The following ZC3H12D variants were observed in gnomAD, a reference collection of about 807,000 sequenced individuals.
The protein encoded by ZC3H12D is probable ribonuclease ZC3H12D.
Under a neutral mutation model 24.2 loss-of-function variants are expected in ZC3H12D, and 11 were observed. That is an observed-to-expected ratio of 0.46 (90% confidence interval 0.29 to 0.75). The LOEUF (loss-of-function observed/expected upper bound fraction) is 0.75. Ranked by LOEUF, ZC3H12D falls within the 30% of genes least tolerant of loss-of-function variation. ZC3H12D has a pLI of 0.11. For missense variants in ZC3H12D, 740 were observed against 767.7 expected (o/e 0.96, Z 0.43); for synonymous variants, 333 against 341.8 (o/e 0.97, Z 0.28).
chr6:149,468,706 A>G (rs1583189708), intron 2 of ZC3H12D, among the ~76,000 whole-genome samples: 1 of 152,272 alleles, frequency 6.6e-6, no homozygotes, highest in East Asian at 1.9e-4. Flanking sequence ...TTCGCCTTAC[A>G]AGAAATGGGT....
At chr6:149,469,818 C>A (rs532280130) in intron 2 of ZC3H12D, among the ~76,000 whole-genome samples, 2 of 152,276 alleles carry the variant, frequency 1.3e-5, no homozygotes, top group South Asian at 4.1e-4. Flanking sequence ...GGGAGTGGGG[C>A]CTCACACCTG....
rs767238366 is a variant in ZC3H12D, at chr6:149,456,916, C to T, written c.446-16G>A. On this transcript the variant is annotated splice_polypyrimidine_tract_variant and intron_variant, in intron 3 of 5. Coordinates refer to ENST00000409806, the MANE Select transcript of ZC3H12D (RefSeq NM_207360.3). The surrounding 1 kb of genome is among the most constrained non-coding windows in gnomAD (Gnocchi z 4.3). Reference sequence around the variant, plus strand: ...ACGTGCTGCTCTGAGGGCGGGGCGACGGAGACGCGGGTGAGGGCCCAAGGG... The same window carrying T: ...ACGTGCTGCTCTGAGGGCGGGGCGATGGAGACGCGGGTGAGGGCCCAAGGG... The T allele has an allele frequency of 1.9e-6, 3 of 1,588,702 alleles. No individual in the cohort carries two copies. The highest frequency in any genetic ancestry group is 2.6e-6 in the Non-Finnish European group (3 of 1,171,266).
chr6:149,452,295 A>G lies in ZC3H12D; in HGVS notation c.787+321T>C. ...GGGTAGGGTGAGGACAGAAGCTGCC[A>G]GGGGCCAGGTGAAGGGACTGAGACC... On this transcript the variant is annotated intron_variant, in intron 5 of 5. Transcript: ENST00000409806. This position sits in a 1 kb window ranked among gnomAD's most constrained non-coding sequence, Gnocchi z 4.0. 3.5e-6 allele frequency: 1 copy of G among 284,944 alleles called. No individual in the cohort carries two copies. Among genetic ancestry groups the G allele is most frequent in the Non-Finnish European group, 6.5e-6 (1 of 153,296 alleles). The allele number at this position is 284,944 out of a possible 1,614,324, so 17.7% of individuals were successfully genotyped here.
intron 2 of ZC3H12D, among the ~76,000 whole-genome samples, chr6:149,470,024 T>C (rs1320680787): frequency 6.6e-6 from 1 of 152,178 alleles, no homozygotes; most frequent in Non-Finnish European, 1.5e-5. Flanking sequence ...GGCAAGTTAC[T>C]TACTCTCTCT....
chr6:149,472,438 C>A (rs762154357), intron 2 of ZC3H12D, among the ~76,000 whole-genome samples: 2 of 151,672 alleles, frequency 1.3e-5, no homozygotes, highest in African/African-American at 2.4e-5. Context: ...TGTGTGAGAA[C>A]ATTTATGCTC....
At position 149,456,627 on chromosome 6, in the gene ZC3H12D, C is replaced by CCCCCCCCCCCCCGGGG; in HGVS notation, c.680+38_680+39insCCCCGGGGGGGGGGGG. On this transcript the variant is annotated intron_variant, in intron 4 of 5. Transcript: ENST00000409806. This position sits in a 1 kb window ranked among gnomAD's most constrained non-coding sequence, Gnocchi z 4.3. ...CTGCCTCGACCCCGGCCCCCCGCCC[C>CCCCCCCCCCCCCGGGG]GCCGCCCCCCAGGGTGTCAGGACCC... is the stretch of plus-strand genomic sequence containing the variant. The CCCCCCCCCCCCCGGGG allele has an allele frequency of 2.4e-5, 33 of 1,403,028 alleles. No homozygotes were observed. Among genetic ancestry groups the CCCCCCCCCCCCCGGGG allele is most frequent in the Non-Finnish European group, 2.6e-5 (26 of 997,648 alleles). The allele number at this position is 1,403,028 out of a possible 1,614,324, so 86.9% of individuals were successfully genotyped here.
chr6:149,469,453 A>G (rs1024812492), intron 2 of ZC3H12D, among the ~76,000 whole-genome samples: 4 of 151,870 alleles, frequency 2.6e-5, no homozygotes, highest in Admixed American at 6.6e-5. Context: ...GCGAGACTCC[A>G]TCTCAAAAAA....
In ZC3H12D at chr6:149,447,817, G is replaced by C. The variant is rs1393496468; in HGVS notation, c.*2866C>G. The stretch of plus-strand genomic sequence containing the variant: ...TTTTTTTGTACTTGTCTTATTCACA[G>C]TGAATCAAATAAAACAGCTTTACAG... On this transcript the variant is annotated 3_prime_UTR_variant, in exon 6 of 6. Transcript: ENST00000409806. 1 of 151,924 alleles carries C rather than the reference G, an allele frequency of 6.6e-6. No individual in the cohort carries two copies. The highest frequency in any genetic ancestry group is 2.4e-5 in the African/African-American group (1 of 41,322). 9.4% of individuals were successfully genotyped at this position (151,924 alleles called of 1,614,324 possible).
At chr6:149,459,200 T>C (rs574405227) in intron 3 of ZC3H12D, among the ~76,000 whole-genome samples, 1 of 152,350 alleles carries the variant, frequency 6.6e-6, no homozygotes, top group East Asian at 1.9e-4. Flanking sequence ...CCCAAAGTAA[T>C]TTCTCTACTT....
rs1583180959 is a variant in ZC3H12D, at chr6:149,447,225, C to T, written c.*3458G>A. On this transcript the variant is annotated 3_prime_UTR_variant, in exon 6 of 6. Transcript: ENST00000409806. Reference sequence around the variant, plus strand: ...CTGCGGCTGCTGAGACTGGCCACAACCTCAGTCTTCTTCACGCCTACTTTT... The same window carrying T: ...CTGCGGCTGCTGAGACTGGCCACAATCTCAGTCTTCTTCACGCCTACTTTT... 2 of 152,378 alleles carry T rather than the reference C, an allele frequency of 1.3e-5. No individual in the cohort carries two copies. The highest frequency in any genetic ancestry group is 3.9e-4 in the East Asian group (2 of 5,186). 9.4% of individuals were successfully genotyped at this position (152,378 alleles called of 1,614,324 possible).
chr6:149,474,395 A>G lies in ZC3H12D; in HGVS notation c.149T>C (p.Leu50Pro), dbSNP rs370533592. The G allele has an allele frequency of 6.8e-5, 110 of 1,608,454 alleles. No homozygotes were observed. Among genetic ancestry groups the G allele is most frequent in the Non-Finnish European group, 9.1e-5 (107 of 1,175,914 alleles). Reference protein sequence around the residue: ...LIRTGSRPGALEHPAAPRLVP... With the variant: ...LIRTGSRPGAPEHPAAPRLVP... ...TAGCCTGGGTGCAGCCGGGTGCTCC[A>G]GGGCACCCGGGCGGCTGCCCGTGCG... is the stretch of plus-strand genomic sequence containing the variant. Residue 50 changes from leucine to proline, a missense_variant, in exon 2 of 6, where the codon CTG (leucine) becomes CCG (proline). Coordinates refer to ENST00000409806, the MANE Select transcript of ZC3H12D (RefSeq NM_207360.3).
At position 149,450,961 on chromosome 6, in the gene ZC3H12D, G is replaced by C. The variant is rs367621958; in HGVS notation, c.1306C>G (p.Pro436Ala). Residue 436 changes from proline (P) to alanine (A), a missense_variant, in exon 6 of 6, where the codon CCG (proline) becomes GCG (alanine). By Grantham distance (27) the Pro-to-Ala change is conservative (BLOSUM62 -1). Coordinates refer to ENST00000409806, the MANE Select transcript of ZC3H12D (RefSeq NM_207360.3). Reference protein sequence around the residue: ...LLSPRRPPDDPWARPPRSDRF... With the variant: ...LLSPRRPPDDAWARPPRSDRF... The stretch of plus-strand genomic sequence containing the variant: ...TCGGAGCGGGGTGGACGGGCCCACG[G>C]GTCGTCGGGTGGCCTGCGCGGGGAA... 7.3e-4 allele frequency: 1,113 copies of C among 1,526,750 alleles called. 6 individuals carry two copies. In the African/African-American group the frequency reaches 0.014, roughly 19 times the overall value. 94.6% of individuals were successfully genotyped at this position (1,526,750 alleles called of 1,614,324 possible).
intron 1 of ZC3H12D, among the ~76,000 whole-genome samples, chr6:149,477,535 T>C (rs1451804988): frequency 6.6e-6 from 1 of 152,256 alleles, no homozygotes; most frequent in Admixed American, 6.5e-5. Flanking sequence ...TTCTTGAAAC[T>C]ATCTGTTCCC....
chr6:149,484,025 C>G (rs1776464033), intron 1 of ZC3H12D, among the ~76,000 whole-genome samples: 1 of 152,276 alleles, frequency 6.6e-6, no homozygotes, highest in Non-Finnish European at 1.5e-5. Flanking sequence ...CAAACTTGTC[C>G]CCTGCTCTTC....
At position 149,449,421 on chromosome 6, in the gene ZC3H12D, G is replaced by A. The variant is rs1429818083; in HGVS notation, c.*1262C>T. On this transcript the variant is annotated 3_prime_UTR_variant, in exon 6 of 6. Coordinates refer to ENST00000409806, the MANE Select transcript of ZC3H12D (RefSeq NM_207360.3). ...ATCACACTACTATACTCCAGACAGA[G>A]TGACAGAGTGAGACTCTGTCTTTTT... is the stretch of plus-strand genomic sequence containing the variant. 2.0e-5 allele frequency: 3 copies of A among 151,962 alleles called. No homozygotes were observed. The highest frequency in any genetic ancestry group is 2.0e-4 in the Admixed American group (3 of 15,262). The allele number at this position is 151,962 out of a possible 1,614,324, so 9.4% of individuals were successfully genotyped here.
intron 2 of ZC3H12D, among the ~76,000 whole-genome samples, chr6:149,471,911 G>A (rs1776250409): frequency 6.6e-6 from 1 of 152,212 alleles, no homozygotes; most frequent in South Asian, 2.1e-4. Flanking sequence ...AGTGCATGAA[G>A]CAGTACTGCC....
chr6:149,473,523 G>A (rs1229191655), intron 2 of ZC3H12D, among the ~76,000 whole-genome samples: 2 of 152,176 alleles, frequency 1.3e-5, no homozygotes, highest in African/African-American at 4.8e-5. Context: ...TCCGTCACAG[G>A]GGAGCTTAGC....
In ZC3H12D at chr6:149,474,296, C is replaced by G. The variant is rs1776294881; in HGVS notation, c.248G>C (p.Arg83Thr). The G allele has an allele frequency of 1.9e-6, 3 of 1,572,200 alleles. No homozygotes were observed. Among genetic ancestry groups the G allele is most frequent in the Admixed American group, 1.9e-5 (1 of 53,720 alleles). ...GPGTALEEDF[R>T]TLASSLRPIV... ...GGGTCGCAGAGAACTGGCCAGGGTT[C>G]TGAAGTCCTCTTCCAGGGCTGTCCC... The change falls in exon 2 of 6, where the codon AGA becomes ACA. Residue 83 changes from arginine (R) to threonine (T), a missense_variant. Arg to Thr is a moderately conservative substitution (Grantham distance 71). Coordinates refer to ENST00000409806, the MANE Select transcript of ZC3H12D (RefSeq NM_207360.3).
intron 1 of ZC3H12D, among the ~76,000 whole-genome samples, chr6:149,479,526 A>G (rs1234994594): frequency 6.6e-6 from 1 of 152,208 alleles, no homozygotes; most frequent in Non-Finnish European, 1.5e-5. Context: ...GCCTACAGAC[A>G]GAATGAGCAG....
Sources: gnomAD v4.1 joint callset for allele counts (sites outside exome capture counted in the v4.1 genomes callset) on GRCh38, gnomAD v4.1.1 for gene constraint, Gnocchi (gnomAD v3.1) non-coding constraint, MANE v1.5 for transcripts, NCBI Gene and HGNC (gene_info 2026-07-23, HGNC 2026-07-21) for gene names.